Variants in POC1B observed in about 807,000 individuals in gnomAD.
The protein encoded by POC1B is POC1 centriolar protein homolog B.
In POC1B, 44 loss-of-function variants were observed where a neutral mutation model predicts 60.6. The observed-to-expected ratio is 0.73, with a 90% CI of 0.57 to 0.93. The LOEUF (loss-of-function observed/expected upper bound fraction) is 0.93. POC1B is among the 40% of genes least tolerant of loss of function. POC1B has a pLI of 0.00. For synonymous variants in POC1B, 180 were observed against 198.9 expected, an observed-to-expected ratio of 0.90 and a Z score of 0.80; for missense variants, 555 against 572.3, an observed-to-expected ratio of 0.97 and a Z score of 0.31.
At chr12:89,482,170 G>A (rs377185088) in intron 4 of POC1B, among the ~76,000 whole-genome samples, 4 of 152,268 alleles carry the variant, frequency 2.6e-5, no homozygotes, top group South Asian at 2.1e-4. Context: ...AGGAAAAGAC[G>A]GGCATCATGG....
intron 4 of POC1B, among the ~76,000 whole-genome samples, chr12:89,484,932 A>G (rs1326903725): frequency 6.6e-6 from 1 of 152,144 alleles, no homozygotes; most frequent in Admixed American, 6.5e-5. Context: ...ACTATCTAAC[A>G]AGATTTTTTC....
intron 10 of POC1B, among the ~76,000 whole-genome samples, chr12:89,435,636 T>C (rs1031068242): frequency 6.6e-6 from 1 of 152,202 alleles, no homozygotes; most frequent in African/African-American, 2.4e-5. Flanking sequence ...TCCTTTCTTA[T>C]TTTGCTGGTG....
chr12:89,430,035 G>A (rs1254870174), intron 10 of POC1B, among the ~76,000 whole-genome samples: 1 of 152,144 alleles, frequency 6.6e-6, no homozygotes. Context: ...TATCAAAAAG[G>A]ATGGCAGGGC....
intron 4 of POC1B, among the ~76,000 whole-genome samples, chr12:89,474,981 T>C (rs1259980320): frequency 6.6e-6 from 1 of 152,152 alleles, no homozygotes; most frequent in African/African-American, 2.4e-5. Context: ...TGAGCACTTG[T>C]CAGTACCTGG....
In POC1B at chr12:89,422,492, T is replaced by C. The variant is rs541030939; in HGVS notation, c.1333-1235A>G. Among the ~76,000 whole-genome samples the C allele has an allele frequency of 1.1e-4, 16 of 152,210 alleles. No individual in the cohort carries two copies. In the South Asian group the frequency reaches 3.1e-3, roughly 30 times the overall value. ...GGGTGCAGCTCAGCCTGTTCTTCCA[T>C]CTTCTGTACATTCTCTAAGTTGGCT... On this transcript the variant is annotated intron_variant, in intron 11 of 11. Coordinates refer to ENST00000313546, the MANE Select transcript of POC1B (RefSeq NM_172240.3).
chr12:89,464,186 T>A (rs933515255), intron 9 of POC1B, among the ~76,000 whole-genome samples: 1 of 152,186 alleles, frequency 6.6e-6, no homozygotes, highest in Admixed American at 6.5e-5. Flanking sequence ...TTAAAATATT[T>A]CCCAAGTAAC....
chr12:89,468,328 A>G (rs1021752679), intron 7 of POC1B, among the ~76,000 whole-genome samples: 3 of 152,214 alleles, frequency 2.0e-5, no homozygotes, highest in Non-Finnish European at 4.4e-5. Context: ...GGAGTTGGAC[A>G]AGACTGTGCT....
chr12:89,482,028 T>C (rs1868379843), intron 4 of POC1B, among the ~76,000 whole-genome samples: 1 of 152,152 alleles, frequency 6.6e-6, no homozygotes, highest in African/African-American at 2.4e-5. Context: ...ACTCAAAAAT[T>C]TAGCCATGTT....
Position 89,463,121 on chromosome 12 carries a change from A to T in POC1B, c.1033-3403T>A, listed in dbSNP as rs925101529. Among the ~76,000 whole-genome samples the T allele has an allele frequency of 4.6e-5, 7 of 152,314 alleles. No homozygotes were observed. In the South Asian group the frequency reaches 6.2e-4, roughly 14 times the overall value. On this transcript the variant is annotated intron_variant, in intron 9 of 11. Coordinates refer to ENST00000313546, the MANE Select transcript of POC1B (RefSeq NM_172240.3). ...GACTATCACAAAATATTATTATATA[A>T]ATATTTGGTTAAGGTAAAGGACATT...
At chr12:89,503,446 GC>G (rs1451925383) in intron 2 of POC1B, among the ~76,000 whole-genome samples, 2 of 152,338 alleles carry the variant, frequency 1.3e-5, no homozygotes, top group East Asian at 3.9e-4. Flanking sequence ...GAGTGCAGTG[GC>G]ATGATCTCAG....
intron 2 of POC1B, chr12:89,524,455 A>G: frequency 6.2e-7 from 1 of 1,613,864 alleles, no homozygotes; most frequent in Non-Finnish European, 8.5e-7. Flanking sequence ...GGAGGCATGA[A>G]AAGTAGAGAC....
intron 2 of POC1B, among the ~76,000 whole-genome samples, chr12:89,509,149 G>A (rs1870050044): frequency 1.3e-5 from 2 of 152,118 alleles, no homozygotes; most frequent in Non-Finnish European, 2.9e-5. Flanking sequence ...TGTATTTACT[G>A]TTGTAAGGAA....
At chr12:89,522,829 C>T in intron 2 of POC1B, 1 of 1,584,040 alleles carries the variant, frequency 6.3e-7, no homozygotes, top group South Asian at 1.2e-5. Context: ...CTCAAAACTC[C>T]AAATTTGATT....
intron 4 of POC1B, chr12:89,485,225 T>C (rs1868566528): frequency 6.6e-6 from 1 of 152,226 alleles, no homozygotes; most frequent in Admixed American, 6.5e-5. Context: ...TGGATTAGAA[T>C]GATTTCATCA....
At chr12:89,440,507 G>A (rs762343673) in intron 10 of POC1B, among the ~76,000 whole-genome samples, 18 of 152,176 alleles carry the variant, frequency 1.2e-4, no homozygotes, top group Non-Finnish European at 2.2e-4. Context: ...CAAATTTTTA[G>A]TACATTTTCA....
chr12:89,515,510 T>C (rs1870400630), intron 2 of POC1B, among the ~76,000 whole-genome samples: 1 of 152,108 alleles, frequency 6.6e-6, no homozygotes, highest in East Asian at 1.9e-4. Context: ...GGTGGAATCT[T>C]AATTTAGATA....
At chr12:89,414,504 G>T in the POC1B span, among the ~76,000 whole-genome samples, 1 of 152,220 alleles carries the variant, frequency 6.6e-6, no homozygotes, top group African/African-American at 2.4e-5. Flanking sequence ...CTGAGTCACA[G>T]TTGGGGCTTA....
chr12:89,471,617 G>T lies in POC1B; in HGVS notation c.673C>A (p.Gln225Lys). The T allele has an allele frequency of 6.2e-7, 1 of 1,602,246 alleles. No individual in the cohort carries two copies. The highest frequency in any genetic ancestry group is 8.5e-7 in the Non-Finnish European group (1 of 1,171,478). The change falls in exon 6 of 12, where the codon CAA (glutamine) becomes AAA (lysine). Residue 225 changes from glutamine to lysine, a missense_variant. By Grantham distance (53) the Gln-to-Lys change is moderately conservative. Coordinates refer to ENST00000313546, the MANE Select transcript of POC1B (RefSeq NM_172240.3). ...TTTTTGTTAGGAAAATTGTTACCTTGGTAATGCTGTAGTAATTTGTTCACT... is the reference window on the plus strand; with the variant it reads ...TTTTTGTTAGGAAAATTGTTACCTTTGTAATGCTGTAGTAATTTGTTCACT... ...VRVNKLLQHY[Q>K]VHSGGVNCIS...
intron 2 of POC1B, chr12:89,500,615 C>T (rs1405586104): frequency 1.9e-6 from 3 of 1,590,276 alleles, no homozygotes; most frequent in Non-Finnish European, 2.6e-6. Context: ...AAATGTTATT[C>T]CATCTAGTGC....
Sources: gnomAD v4.1 joint callset for allele counts (sites outside exome capture counted in the v4.1 genomes callset) on GRCh38, gnomAD v4.1.1 for gene constraint, MANE v1.5 for transcripts, NCBI Gene and HGNC (gene_info 2026-07-23, HGNC 2026-07-21) for gene names.